The following PACRG variants were observed in gnomAD, a reference collection of about 807,000 sequenced individuals.
The protein encoded by PACRG is parkin coregulated gene protein.
In PACRG, 29 loss-of-function variants were observed where a neutral mutation model predicts 29.7. That is an observed-to-expected ratio of 0.98 (90% CI 0.73 to 1.33). The LOEUF is 1.33. Ranked by LOEUF, PACRG falls within the 40% of genes most tolerant of loss-of-function variation. The pLI is 0.00. For synonymous variants in PACRG, 116 were observed against 118.7 expected (o/e 0.98, Z 0.15); for missense variants, 279 against 316.2 (o/e 0.88, Z 0.89).
intron 2 of PACRG, among the ~76,000 whole-genome samples, chr6:162,841,829 A>T (rs1304891296): frequency 4.6e-5 from 7 of 151,652 alleles, no homozygotes; most frequent in African/African-American, 1.7e-4. Context: ...GAACATCTTT[A>T]TTTCTGCCTT....
chr6:162,922,322 G>A (rs575683588), intron 2 of PACRG, among the ~76,000 whole-genome samples: 2 of 149,718 alleles, frequency 1.3e-5, no homozygotes, highest in African/African-American at 4.9e-5. Context: ...CCTTTCCTCA[G>A]GGGCTCCCCC....
In PACRG at chr6:163,062,204, C is replaced by A; in HGVS notation, c.346C>A (p.Leu116Ile). ...HHYLPLFFDG[L>I]CEMTFPYEFF... ...TTATCTGCCTCTGTTTTTTGATGGG[C>A]TTTGTGAAATGACATTTCCCTATGA... Residue 116 changes from leucine (L) to isoleucine (I), a missense_variant, in exon 3 of 5, where the codon CTT becomes ATT. Coordinates refer to ENST00000366888, the MANE Select transcript of PACRG (RefSeq NM_001080379.2). The A allele has an allele frequency of 6.2e-7, 1 of 1,613,996 alleles. No individual in the cohort carries two copies. Among genetic ancestry groups the A allele is most frequent in the Non-Finnish European group, 8.5e-7 (1 of 1,179,978 alleles).
intron 2 of PACRG, among the ~76,000 whole-genome samples, chr6:162,963,637 T>C (rs1800807908): frequency 6.6e-6 from 1 of 150,890 alleles, no homozygotes; most frequent in Admixed American, 6.6e-5. Context: ...AGTATAAATT[T>C]ATAATTATAA....
At chr6:163,058,400 A>G (rs1585114105) in intron 2 of PACRG, among the ~76,000 whole-genome samples, 1 of 152,240 alleles carries the variant, frequency 6.6e-6, no homozygotes, top group Admixed American at 6.5e-5. Flanking sequence ...TTTGATCCCT[A>G]CCTGTTGTTC....
chr6:162,885,796 A>G (rs1352432716), intron 2 of PACRG, among the ~76,000 whole-genome samples: 3 of 152,124 alleles, frequency 2.0e-5, no homozygotes, highest in African/African-American at 7.2e-5. Context: ...GTGTATATAT[A>G]TAAAATAATT....
intron 2 of PACRG, among the ~76,000 whole-genome samples, chr6:162,869,452 C>T (rs1232443440): frequency 1.3e-5 from 2 of 152,032 alleles, no homozygotes; most frequent in African/African-American, 4.8e-5. Context: ...TTTACCTTTC[C>T]ATTCAGACTA....
intron 2 of PACRG, among the ~76,000 whole-genome samples, chr6:162,904,789 A>C (rs774904964): frequency 6.6e-6 from 1 of 152,184 alleles, no homozygotes; most frequent in Non-Finnish European, 1.5e-5. Context: ...TGAATGATAA[A>C]TGACAAGGAA....
chr6:163,241,171 G>A (rs1782492677), intron 4 of PACRG, among the ~76,000 whole-genome samples: 1 of 151,988 alleles, frequency 6.6e-6, no homozygotes, highest in Non-Finnish European at 1.5e-5. Context: ...TGAGAGAGGG[G>A]AAGAAAAAAG....
At chr6:163,254,940 TA>T (rs1783049889) in intron 4 of PACRG, among the ~76,000 whole-genome samples, 1 of 152,236 alleles carries the variant, frequency 6.6e-6, no homozygotes, top group Non-Finnish European at 1.5e-5. Context: ...CTTCTTTTTC[TA>T]ATCAACTATT....
intron 4 of PACRG, among the ~76,000 whole-genome samples, chr6:163,206,005 A>G (rs997332809): frequency 1.3e-5 from 2 of 152,228 alleles, no homozygotes; most frequent in African/African-American, 4.8e-5. Flanking sequence ...CAAATCCACA[A>G]TGAGATACCA....
rs140210432 is a variant in PACRG, at chr6:162,882,320, G to A, written c.291+68039G>A. Among the ~76,000 whole-genome samples the A allele has an allele frequency of 5.8e-3, 873 of 151,578 alleles. 14 individuals are homozygous for A. Among genetic ancestry groups the A allele is most frequent in the African/African-American group, 0.02 (829 of 41,306 alleles). On this transcript the variant is annotated intron_variant, in intron 2 of 4. Coordinates refer to ENST00000366888, the MANE Select transcript of PACRG (RefSeq NM_001080379.2). ...CTCCACCAAGACCAGAGACCCGGGG[G>A]CCCTCTCCACCATGACCAGAGACCC... is the stretch of plus-strand genomic sequence containing the variant.
intron 2 of PACRG, among the ~76,000 whole-genome samples, chr6:162,891,280 C>T (rs1794736844): frequency 6.6e-6 from 1 of 152,294 alleles, no homozygotes; most frequent in Non-Finnish European, 1.5e-5. Context: ...GCAGTTTTCC[C>T]TTATCCAAGT....
chr6:163,241,374 A>G (rs16894683), intron 4 of PACRG, among the ~76,000 whole-genome samples: 2,126 of 152,350 alleles, frequency 0.014, 43 homozygotes, highest in South Asian at 0.049. Context: ...AGGTTCAATT[A>G]CAAAGCTAAG....
chr6:163,216,556 G>A (rs1781371291), intron 4 of PACRG, among the ~76,000 whole-genome samples: 1 of 152,168 alleles, frequency 6.6e-6, no homozygotes, highest in African/African-American at 2.4e-5. Flanking sequence ...TATCTAAAAT[G>A]CAAATGAGAG....
At chr6:162,987,804 A>T (rs770423465) in intron 2 of PACRG, among the ~76,000 whole-genome samples, 2 of 152,174 alleles carry the variant, frequency 1.3e-5, no homozygotes, top group African/African-American at 2.4e-5. Flanking sequence ...CCTTGTTTGT[A>T]GATATGTTTA....
chr6:162,856,917 C>T (rs1172723779), intron 2 of PACRG, among the ~76,000 whole-genome samples: 3 of 152,064 alleles, frequency 2.0e-5, no homozygotes, highest in African/African-American at 7.2e-5. Flanking sequence ...CCTAGGTTTT[C>T]CCTGAAGAGG....
At chr6:163,177,710 A>ATTTTTT (rs398003265) in intron 4 of PACRG, among the ~76,000 whole-genome samples, 792 of 53,718 alleles carry the variant, frequency 0.015, 114 homozygotes, top group African/African-American at 0.05. Context: ...TAGAAAAGGG[A>ATTTTTT]TTTTTTTTTT....
chr6:162,754,608 A>G (rs1781757836), intron 1 of PACRG, among the ~76,000 whole-genome samples: 3 of 151,756 alleles, frequency 2.0e-5, no homozygotes, highest in East Asian at 1.9e-4. Flanking sequence ...CAGGTCTTAT[A>G]GTTAAGTTTT....
chr6:162,976,055 A>G (rs1801930926), intron 2 of PACRG, among the ~76,000 whole-genome samples: 1 of 152,164 alleles, frequency 6.6e-6, no homozygotes, highest in Non-Finnish European at 1.5e-5. Context: ...AAGGCTTAGC[A>G]AAAACAAACA....
Sources: gnomAD v4.1 joint callset for allele counts (sites outside exome capture counted in the v4.1 genomes callset) on GRCh38, gnomAD v4.1.1 for gene constraint, MANE v1.5 for transcripts, NCBI Gene and HGNC (gene_info 2026-07-23, HGNC 2026-07-21) for gene names.